Variants in FMO5 observed in about 807,000 individuals in gnomAD.
FMO5 encodes flavin containing dimethylaniline monoxygenase 5, also known as flavin-containing monooxygenase 5.
A neutral mutation model predicts 43.6 loss-of-function variants in FMO5; 51 were observed. The ratio of observed to expected loss-of-function variants is 1.17; its 90% CI spans 0.93 to 1.48. The LOEUF is 1.48. Ranked by LOEUF, FMO5 falls within the 40% of genes most tolerant of loss-of-function variation. The pLI, the probability that FMO5 is intolerant of heterozygous loss-of-function variation, is 0.00. For synonymous variants in FMO5, 187 were observed against 216.5 expected, an observed-to-expected ratio of 0.86 and a Z score of 1.20; for missense variants, 644 against 643.0, an observed-to-expected ratio of 1.00 and a Z score of -0.02.
At chr1:147,209,865 A>G (rs1027029722) in intron 5 of FMO5, 4 of 152,352 alleles carry the variant, frequency 2.6e-5, no homozygotes, top group Non-Finnish European at 2.9e-5. Flanking sequence ...TTCTTTTGCC[A>G]TTGACATTGT....
At chr1:147,194,448 T>C (rs1309437223) in intron 7 of FMO5, among the ~76,000 whole-genome samples, 14 of 152,184 alleles carry the variant, frequency 9.2e-5, no homozygotes, top group East Asian at 1.9e-4. Flanking sequence ...TGTTGGGTCT[T>C]GACTCTTTAT....
At position 147,192,759 on chromosome 1, in the gene FMO5, A is replaced by G. The variant is rs190150271; in HGVS notation, c.1184-2510T>C. Among the ~76,000 whole-genome samples, 909 of 152,242 alleles carry G rather than the reference A, an allele frequency of 6.0e-3. 4 individuals are homozygous for G. Among genetic ancestry groups the G allele is most frequent in the Middle Eastern group, 0.01 (3 of 294 alleles). On this transcript the variant is annotated intron_variant, in intron 7 of 8. Coordinates refer to ENST00000254090, the MANE Select transcript of FMO5 (RefSeq NM_001461.4). ...TCTGTCAAAGGCCTTTTCTGCATCT[A>G]TTGAGATAATCATGTGGTTTTTGTC... is the stretch of plus-strand genomic sequence containing the variant.
intron 7 of FMO5, among the ~76,000 whole-genome samples, chr1:147,191,719 T>TTCTA (rs1656866981): frequency 6.6e-6 from 1 of 151,732 alleles, no homozygotes. Context: ...AGTTTCAGCT[T>TTCTA]TCTACATATG....
chr1:147,201,840 G>T (rs587707789), intron 6 of FMO5, among the ~76,000 whole-genome samples: 1 of 152,300 alleles, frequency 6.6e-6, no homozygotes, highest in South Asian at 2.1e-4. Context: ...ATACCAAGAA[G>T]TCTGACAGAA....
At chr1:147,195,672 A>G (rs1657865433) in intron 7 of FMO5, among the ~76,000 whole-genome samples, 1 of 152,186 alleles carries the variant, frequency 6.6e-6, no homozygotes, top group South Asian at 2.1e-4. Flanking sequence ...GCTAAGCTTA[A>G]ACAATTAGTT....
chr1:147,223,796 C>T (rs1293105076), intron 2 of FMO5: 6 of 267,734 alleles, frequency 2.2e-5, no homozygotes, highest in Admixed American at 1.0e-4. Context: ...CTGCCATTAA[C>T]CAGTTCACCC....
chr1:147,208,444 CTTT>C (rs11374254), intron 6 of FMO5: 3 of 145,588 alleles, frequency 2.1e-5, no homozygotes, highest in Admixed American at 6.8e-5. Flanking sequence ...CTTTTCTTTT[CTTT>C]TTTTTTTTTT....
Position 147,186,630 on chromosome 1 carries a change from GACAT to G in FMO5, c.*266_*269del. ...ACCACATGTCAAGAACTCTGCTAAAGACATACAAAGATGACTAAAAGAGTACCTG... is the reference window on the plus strand; with the variant it reads ...ACCACATGTCAAGAACTCTGCTAAAGACAAAGATGACTAAAAGAGTACCTG... On this transcript the variant is annotated 3_prime_UTR_variant, in exon 9 of 9. Coordinates refer to ENST00000254090, the MANE Select transcript of FMO5 (RefSeq NM_001461.4). 5 of 1,220,794 alleles carry G rather than the reference GACAT, an allele frequency of 4.1e-6. No individual in the cohort carries two copies. The highest frequency in any genetic ancestry group is 5.1e-6 in the Non-Finnish European group (5 of 975,470). The allele number at this position is 1,220,794 out of a possible 1,614,324, so 75.6% of individuals were successfully genotyped here. A position where few individuals can be genotyped will look rare whatever the true frequency, so the allele number is the denominator to read the frequency against.
intron 7 of FMO5, among the ~76,000 whole-genome samples, chr1:147,200,289 T>C (rs1658751194): frequency 6.6e-6 from 1 of 152,220 alleles, no homozygotes; most frequent in African/African-American, 2.4e-5. Flanking sequence ...TGCCTTCCCT[T>C]CAGATATTTG....
intron 7 of FMO5, among the ~76,000 whole-genome samples, chr1:147,197,992 A>C (rs1357214120): frequency 1.3e-5 from 2 of 152,168 alleles, no homozygotes; most frequent in Non-Finnish European, 2.9e-5. Context: ...TCTGAATTAG[A>C]GTTCTGTGGT....
At position 147,187,234 on chromosome 1, in the gene FMO5, C is replaced by G; in HGVS notation, c.1268G>C (p.Ser423Thr). ...GTCTCCCTGAATGGTATGGCGTTGG[C>G]TCTCCACATACCTAAAGTAGAAAAG... ...QEEIDKRYVESQRHTIQGDYI... is the reference protein window; with the variant it reads ...QEEIDKRYVETQRHTIQGDYI... Residue 423 changes from serine (S) to threonine (T), a missense_variant, in exon 9 of 9, where the codon AGC (serine) becomes ACC (threonine). By Grantham distance (58) the Ser-to-Thr change is moderately conservative. Coordinates refer to ENST00000254090, the MANE Select transcript of FMO5 (RefSeq NM_001461.4). 1 of 1,604,256 alleles carries G rather than the reference C, an allele frequency of 6.2e-7. No individual in the cohort carries two copies.
intron 7 of FMO5, among the ~76,000 whole-genome samples, chr1:147,196,593 T>A (rs2101789395): frequency 6.6e-6 from 1 of 152,148 alleles, no homozygotes; most frequent in Admixed American, 6.5e-5. Flanking sequence ...TGAAAAAATT[T>A]AAAAAAATTA....
intron 3 of FMO5, among the ~76,000 whole-genome samples, chr1:147,214,265 A>T (rs1287310113): frequency 1.3e-5 from 2 of 152,090 alleles, no homozygotes; most frequent in African/African-American, 4.8e-5. Context: ...TCACCTGGCC[A>T]ACATGGCGAA....
downstream of FMO5, among the ~76,000 whole-genome samples, chr1:147,185,424 T>A (rs1225152237): frequency 2.8e-4 from 43 of 152,146 alleles, no homozygotes; most frequent in Non-Finnish European, 5.0e-4. Context: ...TAGGTCCATT[T>A]TAATAGATGA....
At chr1:147,194,606 C>T (rs1466547170) in intron 7 of FMO5, among the ~76,000 whole-genome samples, 3 of 152,064 alleles carry the variant, frequency 2.0e-5, no homozygotes, top group Non-Finnish European at 2.9e-5. Context: ...CTAGCCTTGA[C>T]AGTCTTTACA....
In FMO5 at chr1:147,217,235, G is replaced by A. The variant is rs28381174; in HGVS notation, c.136-1293C>T. Among the ~76,000 whole-genome samples the A allele has an allele frequency of 0.015, 292 of 19,082 alleles. 7 individuals carry two copies. In the East Asian group the frequency reaches 0.38, roughly 25 times the overall value. 12.5% of individuals were successfully genotyped at this position (19,082 alleles called of 152,430 possible). A position where few individuals can be genotyped will look rare whatever the true frequency, so the allele number is the denominator to read the frequency against. ...GCCTGGGCAACAAGAGCAAAACTCC[G>A]TCTACAAAAAAAAGAAAAAGAAAAA... On this transcript the variant is annotated intron_variant, in intron 2 of 8. Transcript: ENST00000254090.
chr1:147,198,395 C>T (rs1187823606), intron 7 of FMO5, among the ~76,000 whole-genome samples: 5 of 152,096 alleles, frequency 3.3e-5, no homozygotes, highest in Non-Finnish European at 5.9e-5. Flanking sequence ...TATGCATAGA[C>T]TTTTCCTATA....
chr1:147,184,426 A>C (rs1655443412), downstream of FMO5: 1 of 1,381,856 alleles, frequency 7.2e-7, no homozygotes, highest in African/African-American at 1.5e-5. The surrounding 1 kb of genome is among the most constrained non-coding windows in gnomAD (Gnocchi z 4.4). Flanking sequence ...ATATTCCCTT[A>C]ATTTTTACTT....
At chr1:147,200,163 A>G (rs12027580) in intron 7 of FMO5, among the ~76,000 whole-genome samples, 9,079 of 152,116 alleles carry the variant, frequency 0.06, 652 homozygotes, top group East Asian at 0.17. Context: ...TGATAGGAAA[A>G]AGGTTTTGGA....
Sources: gnomAD v4.1 joint callset for allele counts (sites outside exome capture counted in the v4.1 genomes callset) on GRCh38, gnomAD v4.1.1 for gene constraint, Gnocchi (gnomAD v3.1) non-coding constraint, MANE v1.5 for transcripts, NCBI Gene and HGNC (gene_info 2026-07-23, HGNC 2026-07-21) for gene names.